CNTN5: variants seen among roughly 807,000 people sequenced by gnomAD.
CNTN5 encodes contactin-5.
A neutral mutation model predicts 129.1 loss-of-function variants in CNTN5; 77 were observed. The observed-to-expected ratio is 0.60, with a 90% CI of 0.50 to 0.72. The LOEUF (loss-of-function observed/expected upper bound fraction) is 0.72. CNTN5 is among the 30% of genes least tolerant of loss of function. The probability of loss-of-function intolerance (pLI) is 0.00; values close to 1 mark genes in which losing one functional copy is unlikely to be tolerated. For missense variants in CNTN5, 1,478 were observed against 1,328.8 expected (o/e 1.11, Z -1.75); for synonymous variants, 509 against 465.6 (o/e 1.09, Z -1.20).
chr11:99,629,334 C>G (rs1181285702), intron 3 of CNTN5, among the ~76,000 whole-genome samples: 1 of 151,994 alleles, frequency 6.6e-6, no homozygotes, highest in African/African-American at 2.4e-5. Flanking sequence ...ATTCTTGTCT[C>G]TATTTGGACT....
At chr11:99,935,495 T>G (rs991009578) in intron 7 of CNTN5, among the ~76,000 whole-genome samples, 2 of 152,244 alleles carry the variant, frequency 1.3e-5, no homozygotes, top group South Asian at 2.1e-4. Context: ...TACTAGAAAT[T>G]TGAGGGCATT....
chr11:99,462,090 T>C (rs570844952), intron 2 of CNTN5, among the ~76,000 whole-genome samples: 1 of 152,296 alleles, frequency 6.6e-6, no homozygotes, highest in South Asian at 2.1e-4. Context: ...GTGTGGTTTG[T>C]GGCTACCATA....
intron 6 of CNTN5, among the ~76,000 whole-genome samples, chr11:99,878,637 C>G (rs1948693593): frequency 6.6e-6 from 1 of 152,150 alleles, no homozygotes; most frequent in South Asian, 2.1e-4. Flanking sequence ...GCAGGCGGAT[C>G]ACGAGGTCAA....
intron 13 of CNTN5, among the ~76,000 whole-genome samples, chr11:100,097,213 A>T (rs945377739): frequency 6.6e-6 from 1 of 152,134 alleles, no homozygotes; most frequent in Admixed American, 6.6e-5. Context: ...AGCAGCTTTT[A>T]TTCAAGATGG....
intron 6 of CNTN5, among the ~76,000 whole-genome samples, chr11:99,867,246 G>A (rs1324254753): frequency 6.6e-6 from 1 of 152,070 alleles, no homozygotes; most frequent in Non-Finnish European, 1.5e-5. Context: ...TTTTCACATA[G>A]GAAAGAAGCA....
chr11:100,081,697 G>A (rs373933032), intron 13 of CNTN5, among the ~76,000 whole-genome samples: 68 of 152,246 alleles, frequency 4.5e-4, no homozygotes, highest in South Asian at 2.1e-4. Flanking sequence ...ATGTAATTCC[G>A]TGTACTACTT....
chr11:99,217,710 G>T (rs949537971), intron 1 of CNTN5, among the ~76,000 whole-genome samples: 15 of 151,998 alleles, frequency 9.9e-5, no homozygotes, highest in Non-Finnish European at 1.0e-4. Flanking sequence ...GAGAAGAAGA[G>T]AATTTTCACA....
intron 3 of CNTN5, among the ~76,000 whole-genome samples, chr11:99,666,688 C>T (rs936119564): frequency 1.3e-5 from 2 of 152,094 alleles, no homozygotes; most frequent in Non-Finnish European, 2.9e-5. Flanking sequence ...AGAAGAATTA[C>T]AAGCCTTGGA....
chr11:99,804,779 A>C (rs1946219415), intron 3 of CNTN5, among the ~76,000 whole-genome samples: 1 of 150,892 alleles, frequency 6.6e-6, no homozygotes, highest in Non-Finnish European at 1.5e-5. Context: ...TACATCTTAC[A>C]GAATATGGTA....
intron 8 of CNTN5, among the ~76,000 whole-genome samples, chr11:99,990,749 G>A (rs970782348): frequency 2.0e-5 from 3 of 151,920 alleles, no homozygotes; most frequent in African/African-American, 7.3e-5. Flanking sequence ...AAGGCATCTG[G>A]ACATGTTTCT....
rs190845624 is a variant in CNTN5 at position 100,182,166 on chromosome 11, T to C, written c.1581-8960T>C. Among the ~76,000 whole-genome samples the C allele has an allele frequency of 3.5e-3, 530 of 152,188 alleles. 1 individual carries two copies. Among genetic ancestry groups the C allele is most frequent in the Non-Finnish European group, 3.9e-3 (268 of 67,974 alleles). The stretch of plus-strand genomic sequence containing the variant: ...AATTTGACCTACATATATATGCCAA[T>C]TGATTTTTAACAGTGATGTAAAGCC... On this transcript the variant is annotated intron_variant, in intron 13 of 24. Transcript: ENST00000524871.
At chr11:99,129,671 C>G (rs1232017912) in intron 1 of CNTN5, among the ~76,000 whole-genome samples, 1 of 152,074 alleles carries the variant, frequency 6.6e-6, no homozygotes, top group East Asian at 1.9e-4. Context: ...TCACATTCTC[C>G]AAGGTCAAAA....
chr11:99,852,239 A>G lies in CNTN5; in HGVS notation c.577+6977A>G, dbSNP rs990666155. 3.3e-5 allele frequency among the ~76,000 whole-genome samples: 5 copies of G among 152,326 alleles called. No homozygotes were observed. In the South Asian group the frequency reaches 1.0e-3, roughly 32 times the overall value. On this transcript the variant is annotated intron_variant, in intron 6 of 24. Transcript: ENST00000524871. ...AGTATAATTACTTTGGTCATAATAGATACAGTAACTGTGAGTGTGTAATCC... is the reference window on the plus strand; with the variant it reads ...AGTATAATTACTTTGGTCATAATAGGTACAGTAACTGTGAGTGTGTAATCC...
rs375464904 is a variant in CNTN5, at chr11:99,889,725, T to C, written c.578-26329T>C. 1.4e-4 allele frequency among the ~76,000 whole-genome samples: 21 copies of C among 152,032 alleles called. No individual in the cohort carries two copies. The East Asian group carries it at 3.7e-3, about 27-fold the overall frequency. The stretch of plus-strand genomic sequence containing the variant: ...TAATTTTTAAAATATTTTTAATAGA[T>C]ACTGGGTTTCACCATCTTGGCCAGC... On this transcript the variant is annotated intron_variant, in intron 6 of 24. Coordinates refer to ENST00000524871, the MANE Select transcript of CNTN5 (RefSeq NM_014361.4).
At chr11:99,420,368 T>C (rs1365242379) in intron 2 of CNTN5, among the ~76,000 whole-genome samples, 3 of 152,228 alleles carry the variant, frequency 2.0e-5, no homozygotes, top group Non-Finnish European at 4.4e-5. Context: ...TCATGCAGTG[T>C]GCATGCAAGC....
At chr11:100,000,004 T>G (rs1939754296) in intron 8 of CNTN5, among the ~76,000 whole-genome samples, 1 of 144,010 alleles carries the variant, frequency 6.9e-6, no homozygotes, top group African/African-American at 2.6e-5. Context: ...CTGGGGACTG[T>G]TGTGGGGTGT....
intron 6 of CNTN5, among the ~76,000 whole-genome samples, chr11:99,863,932 A>T (rs996578220): frequency 1.3e-5 from 2 of 152,152 alleles, no homozygotes; most frequent in African/African-American, 4.8e-5. Context: ...ACACAGAGTG[A>T]ATCTTGGGCA....
At chr11:99,147,631 C>T (rs932750312) in intron 1 of CNTN5, among the ~76,000 whole-genome samples, 3 of 152,126 alleles carry the variant, frequency 2.0e-5, no homozygotes, top group African/African-American at 4.8e-5. Context: ...CTTCTGCTGT[C>T]CTTTTCCCTA....
At chr11:99,271,261 T>A (rs183079305) in intron 1 of CNTN5, among the ~76,000 whole-genome samples, 1 of 151,888 alleles carries the variant, frequency 6.6e-6, no homozygotes, top group Non-Finnish European at 1.5e-5. Flanking sequence ...TGCATTTTTT[T>A]ATTTAACTAC....
Sources: gnomAD v4.1 joint callset for allele counts (sites outside exome capture counted in the v4.1 genomes callset) on GRCh38, gnomAD v4.1.1 for gene constraint, MANE v1.5 for transcripts, NCBI Gene and HGNC (gene_info 2026-07-23, HGNC 2026-07-21) for gene names.